The following BMP1 variants were observed in gnomAD, a reference collection of about 807,000 sequenced individuals.
BMP1 encodes the protein bone morphogenetic protein 1, also known as mammalian tolloid protein.
Under a neutral mutation model 116.8 loss-of-function variants are expected in BMP1, and 63 were observed. The ratio of observed to expected loss-of-function variants is 0.54; its 90% confidence interval spans 0.44 to 0.67. The LOEUF (loss-of-function observed/expected upper bound fraction) is 0.67. Among genes scored for constraint, BMP1 ranks in the 30% least tolerant of loss-of-function variants. BMP1 has a pLI of 0.00. For missense variants in BMP1, 1,183 were observed against 1,358.9 expected, an observed-to-expected ratio of 0.87 and a Z score of 2.04; for synonymous variants, 536 against 533.4, an observed-to-expected ratio of 1.00 and a Z score of -0.07.
In BMP1 at chr8:22,165,411, C is replaced by T; in HGVS notation, c.6C>T (p.Pro2=). The T allele has an allele frequency of 6.6e-7, 1 of 1,511,078 alleles. No homozygotes were observed. Among genetic ancestry groups the T allele is most frequent in the Non-Finnish European group, 8.8e-7 (1 of 1,136,446 alleles). The allele number at this position is 1,511,078 out of a possible 1,614,324, so 93.6% of individuals were successfully genotyped here. A position where few individuals can be genotyped will look rare whatever the true frequency, so the allele number is the denominator to read the frequency against. ...CTCGCCGCCGCCCCGCCAGCATGCC[C>T]GGCGTGGCCCGCCTGCCGCTGCTGC... M[P]GVARLPLLLG... is the part of the protein sequence containing the mutation. The change falls in exon 1 of 20, where the codon CCC becomes CCT. Residue 2 remains proline, a synonymous_variant. Transcript: ENST00000306385.
Position 22,192,977 on chromosome 8 carries a change from T to A in BMP1, c.1180+826T>A, listed in dbSNP as rs1221852846. 2.0e-5 allele frequency among the ~76,000 whole-genome samples: 3 copies of A among 152,232 alleles called. No individual in the cohort carries two copies. In the East Asian group the frequency reaches 5.8e-4, roughly 29 times the overall value. On this transcript the variant is annotated intron_variant, in intron 9 of 19. Coordinates refer to ENST00000306385, the MANE Select transcript of BMP1 (RefSeq NM_006129.5). ...GTTTCCGATATTTAAATATTTCTTT[T>A]TGGTCACTCAAAGCAGCTGTCCTTA...
intron 14 of BMP1, among the ~76,000 whole-genome samples, 180 bp downstream of exon 14, chr8:22,197,020 C>T (rs986942804): frequency 1.3e-5 from 2 of 151,964 alleles, no homozygotes; most frequent in Admixed American, 1.3e-4. Flanking sequence ...CCAAAGGGGG[C>T]GGGGGGACAT....
intron 15 of BMP1, among the ~76,000 whole-genome samples, chr8:22,200,488 G>T (rs1563273013): frequency 2.0e-5 from 3 of 152,148 alleles, no homozygotes; most frequent in Admixed American, 6.6e-5. Flanking sequence ...CTGTACACAG[G>T]CTGGGCGGGC....
rs139447414 is a variant in BMP1, at chr8:22,177,105, C to T, written c.696C>T (p.Arg232=). ...WHEHTRPDRD[R]HVSIVRENIQ... is the part of the protein sequence containing the mutation. ...AACACACTCGGCCAGACCGGGACCG[C>T]CACGTTTCCATCGTTCGTGAGAACA... The change falls in exon 5 of 20, where the codon CGC becomes CGT. Residue 232 remains arginine, a synonymous_variant. Transcript: ENST00000306385. 8 of 1,610,700 alleles carry T rather than the reference C, an allele frequency of 5.0e-6. No homozygotes were observed. The African/African-American group carries it at 1.1e-4, about 22-fold the overall frequency.
At position 22,194,012 on chromosome 8, in the gene BMP1, G is replaced by T. The variant is rs1279134742; in HGVS notation, c.1181-46G>T. Reference sequence around the variant, plus strand: ...CTGGAGAGGTGGGGCCTCTATAGGGGGTGTCCTCAGGGTTCACCACTCTTC... The same window carrying T: ...CTGGAGAGGTGGGGCCTCTATAGGGTGTGTCCTCAGGGTTCACCACTCTTC... On this transcript the variant is annotated intron_variant, in intron 9 of 19. Transcript: ENST00000306385. This position sits in a 1 kb window ranked among gnomAD's most constrained non-coding sequence, Gnocchi z 4.5. The T allele has an allele frequency of 2.0e-6, 3 of 1,519,870 alleles. No individual in the cohort carries two copies. Among genetic ancestry groups the T allele is most frequent in the South Asian group, 1.1e-5 (1 of 88,890 alleles). 94.1% of individuals were successfully genotyped at this position (1,519,870 alleles called of 1,614,324 possible). A position where few individuals can be genotyped will look rare whatever the true frequency, so the allele number is the denominator to read the frequency against.
chr8:22,206,195 T>G (rs1233133662), intron 16 of BMP1, among the ~76,000 whole-genome samples: 1 of 151,584 alleles, frequency 6.6e-6, no homozygotes, highest in South Asian at 2.1e-4. Flanking sequence ...GGTGAAACTC[T>G]GTCTCTACTA....
At position 22,173,691 on chromosome 8, in the gene BMP1, C is replaced by G; in HGVS notation, c.238C>G (p.Arg80Gly). The stretch of plus-strand genomic sequence containing the variant: ...TGTGGATCTCAGACGGCACACAGCT[C>G]GTAAGTCCTCCATCAAAGCTGCAGG... ...QAVDLRRHTA[R>G]KSSIKAAVPG... The change falls in exon 2 of 20, where the codon CGT becomes GGT. Residue 80 changes from arginine to glycine, a missense_variant. Coordinates refer to ENST00000306385, the MANE Select transcript of BMP1 (RefSeq NM_006129.5). 1.2e-6 allele frequency: 2 copies of G among 1,612,896 alleles called. No homozygotes were observed. Among genetic ancestry groups the G allele is most frequent in the Non-Finnish European group, 1.7e-6 (2 of 1,179,234 alleles).
intron 15 of BMP1, chr8:22,198,866 G>T: frequency 2.0e-6 from 2 of 1,020,858 alleles, no homozygotes; most frequent in Non-Finnish European, 2.5e-6. Context: ...CCCTCCCCAT[G>T]CCAGGCCAAT....
At chr8:22,195,688 CA>C in intron 13 of BMP1, 101 bp downstream of exon 13, 1 of 1,503,396 alleles carries the variant, frequency 6.7e-7, no homozygotes, top group South Asian at 1.2e-5. Context: ...CTCTGTCACC[CA>C]GGCTGGAAGT....
rs1034069994 is a variant in BMP1 at position 22,179,265 on chromosome 8, G to T, written c.837-440G>T. ...TTCAGATGCAGCCTGTGCCAGCAGG[G>T]TGAGGAGCTGGCCTGGGGAGTCCTG... is the stretch of plus-strand genomic sequence containing the variant. On this transcript the variant is annotated intron_variant, in intron 6 of 19. Transcript: ENST00000306385. This position sits in a 1 kb window ranked among gnomAD's most constrained non-coding sequence, Gnocchi z 4.6. Among the ~76,000 whole-genome samples the T allele has an allele frequency of 2.6e-5, 4 of 152,254 alleles. No individual in the cohort carries two copies. Among genetic ancestry groups the T allele is most frequent in the Admixed American group, 6.5e-5 (1 of 15,288 alleles).
At chr8:22,210,338 C>T (rs74690747) in intron 19 of BMP1, among the ~76,000 whole-genome samples, 2,532 of 150,906 alleles carry the variant, frequency 0.017, 67 homozygotes, top group African/African-American at 0.058. Flanking sequence ...TATTTTCCTC[C>T]CTGTAAGAGC....
intron 8 of BMP1, among the ~76,000 whole-genome samples, chr8:22,185,064 A>C (rs1335151465): frequency 6.6e-6 from 1 of 151,762 alleles, no homozygotes; most frequent in Non-Finnish European, 1.5e-5. Flanking sequence ...GGATCCCCCA[A>C]GTCTACACTC....
At chr8:22,199,804 T>C (rs1563272285) in intron 15 of BMP1, among the ~76,000 whole-genome samples, 1 of 152,136 alleles carries the variant, frequency 6.6e-6, no homozygotes, top group Non-Finnish European at 1.5e-5. Flanking sequence ...CATGGAGGGC[T>C]CTCGATCAGG....
At chr8:22,174,052 G>C (rs761517877) in intron 2 of BMP1, among the ~76,000 whole-genome samples, 1 of 152,182 alleles carries the variant, frequency 6.6e-6, no homozygotes, top group Non-Finnish European at 1.5e-5. Context: ...ATTCACAGAG[G>C]TAAAGTGACC....
chr8:22,204,932 C>T (rs11776960), intron 16 of BMP1, among the ~76,000 whole-genome samples: 10,106 of 152,144 alleles, frequency 0.066, 439 homozygotes, highest in South Asian at 0.097. Flanking sequence ...GTGAAGGTTC[C>T]GAGGCTGCAG....
chr8:22,186,495 T>G (rs1374017487), intron 8 of BMP1, among the ~76,000 whole-genome samples: 1 of 152,002 alleles, frequency 6.6e-6, no homozygotes, highest in Non-Finnish European at 1.5e-5. Flanking sequence ...TGAGATGGAG[T>G]CTCACTCTGT....
Position 22,194,161 on chromosome 8 carries a change from T to G in BMP1, c.1284T>G (p.Phe428Leu), listed in dbSNP as rs1829010339. 1 of 1,614,014 alleles carries G rather than the reference T, an allele frequency of 6.2e-7. No individual in the cohort carries two copies. The highest frequency in any genetic ancestry group is 8.5e-7 in the Non-Finnish European group (1 of 1,179,990). The change falls in exon 10 of 20, where the codon TTT becomes TTG. Residue 428 changes from phenylalanine to leucine, a missense_variant. Transcript: ENST00000306385. This position sits in a 1 kb window ranked among gnomAD's most constrained non-coding sequence, Gnocchi z 4.5. ...GCAATTGGGTTGGAAAGGGCTTCTT[T>G]GCAGTCTACGAAGGTACTGAGGAAG... Reference protein sequence around the residue: ...SSSNWVGKGFFAVYEAICGGD... With the variant: ...SSSNWVGKGFLAVYEAICGGD...
rs6983572 is a variant in BMP1, at chr8:22,175,741, C to T, written c.263-402C>T. ...TGAGGCATATCACAGCCTTCTTGCC[C>T]TTGGGAACACCAGAGAGCACTTCAG... On this transcript the variant is annotated intron_variant, in intron 2 of 19. Coordinates refer to ENST00000306385, the MANE Select transcript of BMP1 (RefSeq NM_006129.5). 4.0e-3 allele frequency among the ~76,000 whole-genome samples: 602 copies of T among 152,284 alleles called. 4 individuals are homozygous for T. Among genetic ancestry groups the T allele is most frequent in the African/African-American group, 0.014 (571 of 41,556 alleles).
intron 9 of BMP1, among the ~76,000 whole-genome samples, chr8:22,192,846 C>G (rs774319490): frequency 8.5e-5 from 13 of 152,302 alleles, no homozygotes; most frequent in East Asian, 1.9e-4. Context: ...CCTAGCTGGA[C>G]GTGATCGTAA....
Sources: gnomAD v4.1 joint callset for allele counts (sites outside exome capture counted in the v4.1 genomes callset) on GRCh38, gnomAD v4.1.1 for gene constraint, Gnocchi (gnomAD v3.1) non-coding constraint, MANE v1.5 for transcripts, NCBI Gene and HGNC (gene_info 2026-07-23, HGNC 2026-07-21) for gene names.